Variants in SULF2 observed in about 807,000 individuals in gnomAD.
SULF2 encodes the protein sulfatase 2, also known as extracellular sulfatase Sulf-2.
In SULF2, 52 loss-of-function variants were observed where a neutral mutation model predicts 107.7. That is an observed-to-expected ratio of 0.48 (90% confidence interval 0.39 to 0.61). The LOEUF (loss-of-function observed/expected upper bound fraction) is 0.61. Ranked by LOEUF, SULF2 falls within the 20% of genes least tolerant of loss-of-function variation. SULF2 has a pLI of 0.00. For synonymous variants in SULF2, 460 were observed against 464.3 expected (o/e 0.99, Z 0.12); for missense variants, 993 against 1,177.3 (o/e 0.84, Z 2.29).
chr20:47,786,607 G>C (rs1206460866), upstream of SULF2: 2 of 152,176 alleles, frequency 1.3e-5, no homozygotes, highest in Non-Finnish European at 2.9e-5. Context: ...CTGTTGTCCA[G>C]AAATGGCCCG....
In SULF2 at chr20:47,690,859, ACT is replaced by A. The variant is rs370274714; in HGVS notation, c.568-566_568-565del. ...ACTCCAGCCTGGGTGACAAAGCAAG[ACT>A]CTGACTCAAAAAAAAAAAAAAAGAT... On this transcript the variant is annotated intron_variant, in intron 4 of 20. Transcript: ENST00000688720. Among the ~76,000 whole-genome samples, 1,171 of 127,478 alleles carry A rather than the reference ACT, an allele frequency of 9.2e-3. 21 individuals carry two copies. Among genetic ancestry groups the A allele is most frequent in the African/African-American group, 0.034 (1,052 of 31,224 alleles). The allele number at this position is 127,478 out of a possible 152,430, so 83.6% of individuals were successfully genotyped here.
In SULF2 at chr20:47,665,192, G is replaced by T; in HGVS notation, c.1997+7C>A. The T allele has an allele frequency of 6.2e-7, 1 of 1,606,058 alleles. No individual in the cohort carries two copies. On this transcript the variant is annotated splice_region_variant and intron_variant, in intron 14 of 20. Coordinates refer to ENST00000688720, the MANE Select transcript of SULF2 (RefSeq NM_001387048.1). ...GTCTTAGGGAGGTCCCTTTGCTACT[G>T]CCTCACCTGATTTTGTGACAGTCAC...
intron 1 of SULF2, 84 bp downstream of exon 1, chr20:47,785,259 G>T (rs2090904137): frequency 7.0e-6 from 1 of 142,226 alleles, no homozygotes; most frequent in Admixed American, 7.1e-5. Context: ...CCGGGCTCAC[G>T]CCGGGGAAGG....
intron 1 of SULF2, among the ~76,000 whole-genome samples, chr20:47,773,293 G>C (rs571645164): frequency 6.6e-5 from 10 of 152,364 alleles, no homozygotes; most frequent in African/African-American, 2.4e-4. Flanking sequence ...GGAGGAAGCT[G>C]TCAGGTGATA....
chr20:47,673,205 G>C (rs146179192), intron 10 of SULF2, among the ~76,000 whole-genome samples: 102 of 152,290 alleles, frequency 6.7e-4, no homozygotes, highest in African/African-American at 2.1e-3. Context: ...AGCTGCTCCA[G>C]CCCATTGACC....
At chr20:47,711,069 C>G (rs947357729) in intron 3 of SULF2, among the ~76,000 whole-genome samples, 4 of 152,212 alleles carry the variant, frequency 2.6e-5, no homozygotes, top group African/African-American at 9.7e-5. Flanking sequence ...ACTGGGGATA[C>G]TAAGCAAGCC....
intron 6 of SULF2, among the ~76,000 whole-genome samples, chr20:47,684,066 G>A (rs895424080): frequency 6.6e-6 from 1 of 152,158 alleles, no homozygotes; most frequent in African/African-American, 2.4e-5. Context: ...ACATGGATGT[G>A]GTGATGGTTA....
At chr20:47,745,179 A>G (rs528811632) in intron 2 of SULF2, among the ~76,000 whole-genome samples, 12 of 152,006 alleles carry the variant, frequency 7.9e-5, no homozygotes, top group Non-Finnish European at 1.6e-4. Flanking sequence ...GATAGATTCT[A>G]GAACCTATCG....
At chr20:47,761,251 GCCAC>G (rs2090412681) in intron 1 of SULF2, among the ~76,000 whole-genome samples, 1 of 152,094 alleles carries the variant, frequency 6.6e-6, no homozygotes, top group Non-Finnish European at 1.5e-5. Flanking sequence ...CTGTCCTAAG[GCCAC>G]CCAGACAGAA....
At chr20:47,718,153 T>C (rs2089181257) in intron 3 of SULF2, among the ~76,000 whole-genome samples, 1 of 152,038 alleles carries the variant, frequency 6.6e-6, no homozygotes, top group South Asian at 2.1e-4. Flanking sequence ...CAGGCAGGTC[T>C]GAGGGCTGGG....
In SULF2 at chr20:47,785,451, T is replaced by TGCC. The variant is rs1224331666; in HGVS notation, c.-212_-210dup. The TGCC allele has an allele frequency of 8.0e-3, 1,185 of 147,616 alleles. 9 individuals are homozygous for TGCC. Among genetic ancestry groups the TGCC allele is most frequent in the Non-Finnish European group, 0.012 (915 of 73,378 alleles). The allele number at this position is 147,616 out of a possible 1,614,324, so 9.1% of individuals were successfully genotyped here. ...GGGGACTCCGCGCCGCCGCTGCCGC[T>TGCC]GCCGCCGCCGCCGCCGCCGCTGCCG... is the stretch of plus-strand genomic sequence containing the variant. On this transcript the variant is annotated 5_prime_UTR_variant, in exon 1 of 21. Transcript: ENST00000688720.
At chr20:47,679,382 C>T (rs947539009) in intron 7 of SULF2, among the ~76,000 whole-genome samples, 1 of 152,146 alleles carries the variant, frequency 6.6e-6, no homozygotes, top group Non-Finnish European at 1.5e-5. Context: ...TTAATGTGAC[C>T]CCCTCACCTT....
chr20:47,735,862 A>C (rs2146782121), intron 3 of SULF2, among the ~76,000 whole-genome samples: 1 of 152,206 alleles, frequency 6.6e-6, no homozygotes, highest in South Asian at 2.1e-4. Flanking sequence ...CTGGAGGAGG[A>C]GTCCATCCTT....
intron 7 of SULF2, among the ~76,000 whole-genome samples, chr20:47,682,481 C>G (rs1293271548): frequency 6.6e-6 from 1 of 152,234 alleles, no homozygotes; most frequent in Non-Finnish European, 1.5e-5. Flanking sequence ...AACATGTCAA[C>G]TCAAAGGTTA....
intron 3 of SULF2, among the ~76,000 whole-genome samples, chr20:47,713,446 G>A (rs187894160): frequency 2.6e-5 from 4 of 152,278 alleles, no homozygotes; most frequent in African/African-American, 7.2e-5. Context: ...TACCATTAAC[G>A]ACAGGGTTGC....
At chr20:47,668,020 C>T (rs1413189731) in intron 11 of SULF2, among the ~76,000 whole-genome samples, 3 of 152,256 alleles carry the variant, frequency 2.0e-5, no homozygotes, top group Admixed American at 1.3e-4. Flanking sequence ...CACAGGGCAG[C>T]CTTCTCCTGG....
chr20:47,677,711 A>T (rs2087696296), intron 8 of SULF2, among the ~76,000 whole-genome samples: 1 of 152,142 alleles, frequency 6.6e-6, no homozygotes, highest in South Asian at 2.1e-4. Flanking sequence ...TCCATTTCCT[A>T]GATGGGGACT....
chr20:47,681,967 G>A (rs1247961054), intron 7 of SULF2, among the ~76,000 whole-genome samples: 1 of 152,014 alleles, frequency 6.6e-6, no homozygotes, highest in Non-Finnish European at 1.5e-5. Flanking sequence ...TTACAGGCAT[G>A]AGCCACAGGG....
chr20:47,658,366 C>A lies in SULF2; in HGVS notation c.2609G>T (p.Gly870Val), dbSNP rs1176008585. ...GAGGTCCACCTCTGTTGTTTCTTAA[C>A]CTTCCCAGCCTTCCCACAGTTGTCC... Reference protein sequence around the residue: ...SLGQLWEGWEG With the variant: ...SLGQLWEGWEV Residue 870 changes from glycine (G) to valine (V), a missense_variant, in exon 21 of 21, where the codon GGT (glycine) becomes GTT (valine). Transcript: ENST00000688720. 9 of 1,614,160 alleles carry A rather than the reference C, an allele frequency of 5.6e-6. No individual in the cohort carries two copies. Among genetic ancestry groups the A allele is most frequent in the Non-Finnish European group, 7.6e-6 (9 of 1,180,004 alleles).
Sources: allele counts gnomAD v4.1 joint callset (sites outside exome capture counted in the v4.1 genomes callset), GRCh38; gene constraint gnomAD v4.1.1; transcripts MANE v1.5; gene names NCBI Gene and HGNC (gene_info 2026-07-23, HGNC 2026-07-21).